The following KSR2 variants were observed in gnomAD, a reference collection of about 807,000 sequenced individuals.
KSR2 encodes the protein kinase suppressor of ras 2.
Under a neutral mutation model 107.8 loss-of-function variants are expected in KSR2, and 25 were observed. The ratio of observed to expected loss-of-function variants is 0.23; its 90% CI spans 0.17 to 0.32. KSR2 has a LOEUF of 0.32. Among genes scored for constraint, KSR2 ranks in the 10% least tolerant of loss-of-function variants. The probability of loss-of-function intolerance (pLI) is 1.00; values close to 1 mark genes in which losing one functional copy is unlikely to be tolerated. For synonymous variants in KSR2, 480 were observed against 507.0 expected (o/e 0.95, Z 0.71); for missense variants, 887 against 1,268.9 (o/e 0.70, Z 4.57).
At chr12:117,533,632 AG>A (rs1875821421) in intron 10 of KSR2, among the ~76,000 whole-genome samples, 2 of 152,218 alleles carry the variant, frequency 1.3e-5, no homozygotes, top group African/African-American at 4.8e-5. Context: ...TTAGTCAACA[AG>A]GGGCTAAAAT....
intron 7 of KSR2, among the ~76,000 whole-genome samples, chr12:117,559,737 C>A (rs1223971221): frequency 1.3e-5 from 2 of 152,178 alleles, no homozygotes; most frequent in South Asian, 4.1e-4. Flanking sequence ...CCTGGAGTTG[C>A]CTGACTTCAC....
intron 5 of KSR2, among the ~76,000 whole-genome samples, chr12:117,601,892 G>T (rs956269339): frequency 1.3e-5 from 2 of 152,176 alleles, no homozygotes; most frequent in African/African-American, 4.8e-5. Flanking sequence ...GGCTGGGAAG[G>T]ATCTAGAGCT....
At chr12:117,830,695 G>A (rs543131339) in intron 3 of KSR2, among the ~76,000 whole-genome samples, 129 of 152,236 alleles carry the variant, frequency 8.5e-4, no homozygotes, top group African/African-American at 2.8e-3. Context: ...TGAGGCAGAC[G>A]TGGGGAGAAA....
chr12:117,647,836 C>T (rs542188853), intron 5 of KSR2, among the ~76,000 whole-genome samples: 3 of 152,160 alleles, frequency 2.0e-5, no homozygotes, highest in East Asian at 1.9e-4. Context: ...TCCTGAGTAG[C>T]GGGGACAACA....
At chr12:117,766,944 C>T (rs1216729738) in intron 3 of KSR2, among the ~76,000 whole-genome samples, 1 of 151,770 alleles carries the variant, frequency 6.6e-6, no homozygotes, top group Non-Finnish European at 1.5e-5. Flanking sequence ...AGTGCAGTGG[C>T]ACAATCTCGG....
chr12:117,503,295 G>A (rs561955917), intron 14 of KSR2, among the ~76,000 whole-genome samples: 1 of 152,280 alleles, frequency 6.6e-6, no homozygotes, highest in Non-Finnish European at 1.5e-5. Flanking sequence ...GATTCATGTG[G>A]TACAGACAAC....
In KSR2 at chr12:117,517,858, G is replaced by A. The variant is rs182378251; in HGVS notation, c.2219+6994C>T. On this transcript the variant is annotated intron_variant, in intron 14 of 19. Coordinates refer to ENST00000339824, the MANE Select transcript of KSR2 (RefSeq NM_173598.6). ...TTTAGGACAATCAAACTGGCCTGAA[G>A]AGAAACAAAAATTAGAAAGACCACA... 21 of 456,002 alleles carry A rather than the reference G, an allele frequency of 4.6e-5. No individual in the cohort carries two copies. In the East Asian group the frequency reaches 1.4e-3, roughly 30 times the overall value. 28.2% of individuals were successfully genotyped at this position (456,002 alleles called of 1,614,324 possible). A position where few individuals can be genotyped will look rare whatever the true frequency, so the allele number is the denominator to read the frequency against.
chr12:117,891,218 C>T (rs1205729216), intron 1 of KSR2, among the ~76,000 whole-genome samples: 1 of 152,156 alleles, frequency 6.6e-6, no homozygotes, highest in Non-Finnish European at 1.5e-5. Flanking sequence ...GAGTTCAAGA[C>T]CAGCCTGGCC....
At chr12:117,865,048 C>G (rs547946367) in intron 1 of KSR2, among the ~76,000 whole-genome samples, 4 of 151,470 alleles carry the variant, frequency 2.6e-5, no homozygotes, top group African/African-American at 9.7e-5. Flanking sequence ...GGTGACAGAA[C>G]GAGACTCCAT....
chr12:117,783,621 A>C (rs983082945), intron 3 of KSR2, among the ~76,000 whole-genome samples: 1 of 152,254 alleles, frequency 6.6e-6, no homozygotes, highest in Non-Finnish European at 1.5e-5. Flanking sequence ...AGTCAATGAC[A>C]GCAGGTGGGT....
At chr12:117,526,477 GA>G (rs1875175534) in intron 13 of KSR2, among the ~76,000 whole-genome samples, 1 of 152,206 alleles carries the variant, frequency 6.6e-6, no homozygotes. Flanking sequence ...ACATTCAGGA[GA>G]AACAATACAG....
At chr12:117,575,362 T>C (rs2136226518) in intron 7 of KSR2, among the ~76,000 whole-genome samples, 1 of 152,348 alleles carries the variant, frequency 6.6e-6, no homozygotes, top group East Asian at 1.9e-4. Context: ...AAATGTCACC[T>C]GTCACGGCTC....
At chr12:117,882,119 G>T (rs1262292375) in intron 1 of KSR2, among the ~76,000 whole-genome samples, 1 of 152,160 alleles carries the variant, frequency 6.6e-6, no homozygotes, top group South Asian at 2.1e-4. Flanking sequence ...TTCCAACAAG[G>T]CTCTCAAGGG....
intron 7 of KSR2, among the ~76,000 whole-genome samples, chr12:117,578,101 C>T (rs17618561): frequency 0.14 from 21,020 of 151,948 alleles, 1,486 homozygotes; most frequent in East Asian, 0.16. Flanking sequence ...TTGGGTGGTA[C>T]GGCCTTCTCA....
intron 4 of KSR2, among the ~76,000 whole-genome samples, chr12:117,754,964 A>C (rs1384821588): frequency 2.0e-5 from 3 of 152,236 alleles, no homozygotes; most frequent in Non-Finnish European, 4.4e-5. Flanking sequence ...ATTCAGAGGA[A>C]ATAAAAGCAG....
chr12:117,567,042 C>T (rs915581779), intron 7 of KSR2, among the ~76,000 whole-genome samples: 13 of 152,200 alleles, frequency 8.5e-5, no homozygotes, highest in African/African-American at 2.7e-4. Flanking sequence ...ACTGTGCTGG[C>T]GCTAGAGGTT....
At chr12:117,694,528 A>T (rs187256603) in intron 4 of KSR2, among the ~76,000 whole-genome samples, 86 of 152,270 alleles carry the variant, frequency 5.6e-4, no homozygotes, top group Middle Eastern at 6.8e-3. Context: ...GAGCAGACTG[A>T]TACCCCATAT....
At chr12:117,556,505 T>C (rs871258) in intron 8 of KSR2, among the ~76,000 whole-genome samples, 94,277 of 152,034 alleles carry the variant, frequency 0.62, 29,942 homozygotes, top group African/African-American at 0.76. Context: ...GAAGACTTTG[T>C]CTTCACTTGC....
intron 1 of KSR2, chr12:117,889,504 A>G (rs1381136219): frequency 6.6e-6 from 1 of 152,228 alleles, no homozygotes; most frequent in Non-Finnish European, 1.5e-5. Flanking sequence ...GTTTCAACCC[A>G]AAGGAAAATT....
Sources: gnomAD v4.1 joint callset for allele counts (sites outside exome capture counted in the v4.1 genomes callset) on GRCh38, gnomAD v4.1.1 for gene constraint, MANE v1.5 for transcripts, NCBI Gene and HGNC (gene_info 2026-07-23, HGNC 2026-07-21) for gene names.